The following AREL1 variants were observed in gnomAD, a reference collection of about 807,000 sequenced individuals.
AREL1 encodes the protein apoptosis resistant E3 ubiquitin protein ligase 1.
AREL1 carries 62 observed loss-of-function variants against 99.0 expected under a neutral mutation model. The ratio of observed to expected loss-of-function variants is 0.63; its 90% CI spans 0.51 to 0.77. The LOEUF is 0.77. Among genes scored for constraint, AREL1 ranks in the 30% least tolerant of loss-of-function variants. AREL1 has a pLI of 0.00. For missense variants in AREL1, 879 were observed against 1,027.6 expected, an observed-to-expected ratio of 0.86 and a Z score of 1.98; for synonymous variants, 380 against 376.5, an observed-to-expected ratio of 1.01 and a Z score of -0.11.
chr14:74,692,646 T>C (rs2089906269), intron 1 of AREL1, among the ~76,000 whole-genome samples: 1 of 152,212 alleles, frequency 6.6e-6, no homozygotes, highest in Admixed American at 6.5e-5. Flanking sequence ...TTATTCTTTT[T>C]CATGATTCAG....
At chr14:74,683,121 C>T (rs2089668814) in intron 5 of AREL1, among the ~76,000 whole-genome samples, 175 bp downstream of exon 5, 1 of 151,980 alleles carries the variant, frequency 6.6e-6, no homozygotes. Context: ...GCTCTAAAAT[C>T]GACTGTGATG....
rs771030739 is a variant in AREL1, at chr14:74,673,168, C to T, written c.1209G>A (p.Val403=). ...CCACAGGAGGTTGAATGCCATCATC[C>T]ACCACCAGTGTGAGCAGCTTATGGA... ...DPVHKLLTLV[V]DDGIQPPVEL... The change falls in exon 10 of 20, where the codon GTG becomes GTA. Residue 403 remains valine, a synonymous_variant. Transcript: ENST00000356357. 11 of 1,614,032 alleles carry T rather than the reference C, an allele frequency of 6.8e-6. No individual in the cohort carries two copies. Among genetic ancestry groups the T allele is most frequent in the African/African-American group, 2.7e-5 (2 of 74,918 alleles).
chr14:74,713,036 C>T lies in AREL1; in HGVS notation c.-437G>A. The T allele has an allele frequency of 8.1e-7, 1 of 1,232,206 alleles. No individual in the cohort carries two copies. Among genetic ancestry groups the T allele is most frequent in the Non-Finnish European group, 1.2e-6 (1 of 838,282 alleles). The allele number at this position is 1,232,206 out of a possible 1,614,324, so 76.3% of individuals were successfully genotyped here. A position where few individuals can be genotyped will look rare whatever the true frequency, so the allele number is the denominator to read the frequency against. On this transcript the variant is annotated 5_prime_UTR_variant, in exon 1 of 20. Coordinates refer to ENST00000356357, the MANE Select transcript of AREL1 (RefSeq NM_001039479.2). ...GCTCCCCACTCTCCCACCAACAGAC[C>T]CCAGAGTTGGTCTCCACCCGGCCTG... is the stretch of plus-strand genomic sequence containing the variant.
At chr14:74,692,371 T>A (rs2089901102) in intron 1 of AREL1, 43 bp from the exon 2 acceptor site, 1 of 378,838 alleles carries the variant, frequency 2.6e-6, no homozygotes, top group Non-Finnish European at 5.1e-6. Flanking sequence ...TAGGTTTTTA[T>A]TTCTGAAAAG....
At position 74,694,765 on chromosome 14, in the gene AREL1, G is replaced by A. The variant is rs1292423554; in HGVS notation, c.-333-2437C>T. ...AGCACTTTGGGAGGCTGAAGCGGGCGGATCATGAGGTCAGGAGATCAAGAC... is the reference window on the plus strand; with the variant it reads ...AGCACTTTGGGAGGCTGAAGCGGGCAGATCATGAGGTCAGGAGATCAAGAC... On this transcript the variant is annotated intron_variant, in intron 1 of 19. Coordinates refer to ENST00000356357, the MANE Select transcript of AREL1 (RefSeq NM_001039479.2). Among the ~76,000 whole-genome samples, 10 of 151,970 alleles carry A rather than the reference G, an allele frequency of 6.6e-5. No individual in the cohort carries two copies. The East Asian group carries it at 1.2e-3, about 18-fold the overall frequency.
chr14:74,685,458 C>A, intron 3 of AREL1, 142 bp downstream of exon 3: 1 of 940,614 alleles, frequency 1.1e-6, no homozygotes, highest in South Asian at 1.6e-5. Flanking sequence ...AATTCCAATG[C>A]CAACTCTGTG....
In AREL1 at chr14:74,675,926, C is replaced by T. The variant is rs1402405586; in HGVS notation, c.853G>A (p.Glu285Lys). The T allele has an allele frequency of 9.4e-6, 15 of 1,597,446 alleles. No homozygotes were observed. Among genetic ancestry groups the T allele is most frequent in the South Asian group, 2.2e-5 (2 of 89,060 alleles). ...VLSEDEKNIV[E>K]RNVSTSGVSI... Reference sequence around the variant, plus strand: ...ACGCCTGAAGTGGACACATTGCGTTCGACGATATTCTTCTCATCCTCTGAA... The same window carrying T: ...ACGCCTGAAGTGGACACATTGCGTTTGACGATATTCTTCTCATCCTCTGAA... Residue 285 changes from glutamate (E) to lysine (K), a missense_variant, in exon 8 of 20, where the codon GAA becomes AAA. By Grantham distance (56) the Glu-to-Lys change is moderately conservative. Coordinates refer to ENST00000356357, the MANE Select transcript of AREL1 (RefSeq NM_001039479.2).
chr14:74,677,132 C>T (rs909802208), intron 5 of AREL1, among the ~76,000 whole-genome samples: 1 of 151,762 alleles, frequency 6.6e-6, no homozygotes, highest in African/African-American at 2.4e-5. Flanking sequence ...CTTCAGGGCA[C>T]AAAGATCTGC....
chr14:74,661,601 AT>A lies in AREL1; in HGVS notation c.*2118del. 6.0e-6 allele frequency: 1 copy of A among 167,204 alleles called. No individual in the cohort carries two copies. The highest frequency in any genetic ancestry group is 9.0e-5 in the South Asian group (1 of 11,100). 10.4% of individuals were successfully genotyped at this position (167,204 alleles called of 1,614,324 possible). ...CCACACTGGCTAGTATGAAAGCAGGATTAGAAAAAAAAAAAACAAAACAGTA... is the reference window on the plus strand; with the variant it reads ...CCACACTGGCTAGTATGAAAGCAGGATAGAAAAAAAAAAAACAAAACAGTA... On this transcript the variant is annotated 3_prime_UTR_variant, in exon 20 of 20. Transcript: ENST00000356357.
chr14:74,672,759 A>C (rs1358937566), intron 11 of AREL1, 72 bp downstream of exon 11: 1 of 1,594,240 alleles, frequency 6.3e-7, no homozygotes, highest in African/African-American at 1.4e-5. Context: ...AAACAAAAAC[A>C]GTAACCTGCA....
Position 74,663,725 on chromosome 14 carries a change from G to A in AREL1, c.2467C>T (p.Leu823Phe). 1 of 1,613,854 alleles carries A rather than the reference G, an allele frequency of 6.2e-7. No homozygotes were observed. Among genetic ancestry groups the A allele is most frequent in the Non-Finnish European group, 8.5e-7 (1 of 1,180,010 alleles). ...ISEGCEGFGML is the reference protein window; with the variant it reads ...ISEGCEGFGMF Reference sequence around the variant, plus strand: ...ACTGGATGACAGGAGAGTGGTCAGAGCATGCCAAAGCCCTCGCAACCCTCG... The same window carrying A: ...ACTGGATGACAGGAGAGTGGTCAGAACATGCCAAAGCCCTCGCAACCCTCG... The change falls in exon 20 of 20, where the codon CTC (leucine) becomes TTC (phenylalanine). Residue 823 changes from leucine to phenylalanine, a missense_variant. Coordinates refer to ENST00000356357, the MANE Select transcript of AREL1 (RefSeq NM_001039479.2).
intron 1 of AREL1, among the ~76,000 whole-genome samples, chr14:74,706,177 C>A (rs2090175266): frequency 6.6e-6 from 1 of 152,126 alleles, no homozygotes; most frequent in Non-Finnish European, 1.5e-5. Flanking sequence ...AGCTTTTATG[C>A]TTAGGTGACT....
At chr14:74,699,362 TGTGTGTGTGTGTGTGAGA>T (rs1206458234) in intron 1 of AREL1, among the ~76,000 whole-genome samples, 1 of 137,850 alleles carries the variant, frequency 7.3e-6, no homozygotes, top group Non-Finnish European at 1.6e-5. Flanking sequence ...TGTGTGTGTG[TGTGTGTGTGTGTGTGAGA>T]GAGAGAGAGA....
intron 2 of AREL1, 30 bp from the exon 3 acceptor site, chr14:74,685,690 T>C: frequency 6.3e-7 from 1 of 1,590,550 alleles, no homozygotes; most frequent in South Asian, 1.1e-5. Context: ...TTAGTTTTTG[T>C]CTCCAACTCT....
chr14:74,693,284 T>C (rs1168495098), intron 1 of AREL1, among the ~76,000 whole-genome samples: 1 of 152,206 alleles, frequency 6.6e-6, no homozygotes, highest in Non-Finnish European at 1.5e-5. Flanking sequence ...TTCCAAGACA[T>C]GCTTAAATAA....
At chr14:74,683,965 C>A (rs1031964077) in intron 4 of AREL1, among the ~76,000 whole-genome samples, 1 of 152,120 alleles carries the variant, frequency 6.6e-6, no homozygotes, top group Non-Finnish European at 1.5e-5. Context: ...GACTCTCAAG[C>A]CAAGCTTAAT....
intron 1 of AREL1, among the ~76,000 whole-genome samples, chr14:74,703,422 G>C (rs960310521): frequency 1.3e-5 from 2 of 152,146 alleles, no homozygotes; most frequent in Admixed American, 6.5e-5. Context: ...ACAACAATGG[G>C]AATTATGGGA....
chr14:74,678,465 T>A (rs193209998), intron 5 of AREL1: 65 of 185,882 alleles, frequency 3.5e-4, no homozygotes, highest in Admixed American at 6.0e-4. Context: ...ACCACTGCAC[T>A]CAGCCTGGGT....
chr14:74,710,191 T>C (rs887092025), intron 1 of AREL1, among the ~76,000 whole-genome samples: 7 of 152,230 alleles, frequency 4.6e-5, no homozygotes, highest in South Asian at 4.1e-4. Flanking sequence ...TTTCACGCTA[T>C]AAGAACCTCA....
Sources: allele counts gnomAD v4.1 joint callset (sites outside exome capture counted in the v4.1 genomes callset), GRCh38; gene constraint gnomAD v4.1.1; transcripts MANE v1.5; gene names NCBI Gene and HGNC (gene_info 2026-07-23, HGNC 2026-07-21).